CNBD1: variants seen among roughly 807,000 people sequenced by gnomAD.
The protein encoded by CNBD1 is cyclic nucleotide-binding domain-containing protein 1.
A neutral mutation model predicts 54.4 loss-of-function variants in CNBD1; 71 were observed. That is an observed-to-expected ratio of 1.30 (90% confidence interval 1.08 to 1.59). CNBD1 has a LOEUF of 1.59. CNBD1 is among the 40% of genes most tolerant of loss of function. The probability of loss-of-function intolerance (pLI) is 0.00; values close to 1 mark genes in which losing one functional copy is unlikely to be tolerated. For synonymous variants in CNBD1, 182 were observed against 170.7 expected (o/e 1.07, Z -0.51); for missense variants, 659 against 518.0 (o/e 1.27, Z -2.64).
chr8:87,097,264 AT>A (rs1811339661), intron 4 of CNBD1, among the ~76,000 whole-genome samples: 1 of 152,000 alleles, frequency 6.6e-6, no homozygotes, highest in Non-Finnish European at 1.5e-5. Flanking sequence ...TAATTTTTGA[AT>A]TTTCATTTGG....
intron 4 of CNBD1, among the ~76,000 whole-genome samples, chr8:87,122,445 A>T (rs1811908889): frequency 6.6e-6 from 1 of 151,834 alleles, no homozygotes; most frequent in African/African-American, 2.4e-5. Flanking sequence ...ATATTAACTT[A>T]CCAGGTGTAT....
intron 3 of CNBD1, among the ~76,000 whole-genome samples, chr8:86,935,003 G>GGGTT (rs1363185638): frequency 7.0e-6 from 1 of 143,840 alleles, no homozygotes; most frequent in Non-Finnish European, 1.5e-5. Flanking sequence ...GGAAGCATTT[G>GGGTT]GGTTTGTTTG....
chr8:87,321,665 C>A lies in CNBD1; in HGVS notation c.1043-30020C>A, dbSNP rs550740661. On this transcript the variant is annotated intron_variant, in intron 8 of 10. Transcript: ENST00000518476. ...CTGCCTTTTTCTCTATTGATTATTT[C>A]CTTTGCTGCACAAAAACTTTTTAAT... 2.0e-5 allele frequency among the ~76,000 whole-genome samples: 3 copies of A among 152,074 alleles called. No homozygotes were observed. The South Asian group carries it at 6.2e-4, about 32-fold the overall frequency.
intron 1 of CNBD1, among the ~76,000 whole-genome samples, chr8:86,875,883 A>G (rs1808513079): frequency 6.6e-6 from 1 of 152,022 alleles, no homozygotes; most frequent in African/African-American, 2.4e-5. Context: ...CTCTAATTGA[A>G]TTTTCTTTGA....
chr8:87,385,953 G>A (rs549787314), downstream of CNBD1, among the ~76,000 whole-genome samples: 4 of 152,268 alleles, frequency 2.6e-5, no homozygotes, highest in Admixed American at 2.6e-4. Flanking sequence ...AACAGTTGCT[G>A]TTCACCAATA....
At chr8:87,007,215 A>T (rs1032524380) in intron 4 of CNBD1, among the ~76,000 whole-genome samples, 2 of 151,962 alleles carry the variant, frequency 1.3e-5, no homozygotes, top group African/African-American at 2.4e-5. Flanking sequence ...AAAAAAAAAA[A>T]TTTAAAACTT....
At chr8:86,939,104 G>T (rs1200041177) in intron 3 of CNBD1, among the ~76,000 whole-genome samples, 2 of 151,958 alleles carry the variant, frequency 1.3e-5, no homozygotes. Flanking sequence ...ACATCTCTTA[G>T]GGATTTAGGT....
At chr8:87,281,959 A>G (rs1256364482) in intron 6 of CNBD1, among the ~76,000 whole-genome samples, 4 of 150,836 alleles carry the variant, frequency 2.7e-5, no homozygotes, top group African/African-American at 9.7e-5. Flanking sequence ...TCTGGAAATA[A>G]TTTTTCTTCT....
At chr8:87,210,115 G>C (rs2130800515) in intron 5 of CNBD1, among the ~76,000 whole-genome samples, 1 of 152,318 alleles carries the variant, frequency 6.6e-6, no homozygotes, top group South Asian at 2.1e-4. Flanking sequence ...AATGGTGTTT[G>C]AATTTATGAG....
chr8:87,372,082 G>A (rs1810820483), intron 10 of CNBD1, among the ~76,000 whole-genome samples: 1 of 151,998 alleles, frequency 6.6e-6, no homozygotes, highest in East Asian at 1.9e-4. Context: ...TGTATATCCA[G>A]AAAACCCCAC....
Position 87,237,019 on chromosome 8 carries a change from G to T in CNBD1, c.678G>T (p.Ser226=), listed in dbSNP as rs779115343. 1 of 1,611,828 alleles carries T rather than the reference G, an allele frequency of 6.2e-7. No individual in the cohort carries two copies. Among genetic ancestry groups the T allele is most frequent in the Non-Finnish European group, 8.5e-7 (1 of 1,178,470 alleles). The change falls in exon 6 of 11, where the codon TCG becomes TCT. Residue 226 remains serine, a synonymous_variant. Coordinates refer to ENST00000518476, the MANE Select transcript of CNBD1 (RefSeq NM_173538.3). ...TTGAAGGAAGTGATTCACCAGACTCGTTCATATCTCAGAGTTTCCACAGCT... is the reference window on the plus strand; with the variant it reads ...TTGAAGGAAGTGATTCACCAGACTCTTTCATATCTCAGAGTTTCCACAGCT... ...NLIEGSDSPD[S]FISQSFHSFI...
chr8:87,000,913 A>G (rs2130544510), intron 4 of CNBD1, among the ~76,000 whole-genome samples: 1 of 152,212 alleles, frequency 6.6e-6, no homozygotes, highest in African/African-American at 2.4e-5. Flanking sequence ...TGAGCATTAT[A>G]AATCAAATTT....
chr8:87,375,837 T>A (rs67452998), intron 10 of CNBD1, among the ~76,000 whole-genome samples: 2 of 151,894 alleles, frequency 1.3e-5, no homozygotes, highest in South Asian at 4.1e-4. Flanking sequence ...AATACTTTCC[T>A]AATATGCTTT....
intron 4 of CNBD1, among the ~76,000 whole-genome samples, chr8:87,185,313 T>C (rs1813450822): frequency 6.6e-6 from 1 of 152,190 alleles, no homozygotes; most frequent in Admixed American, 6.5e-5. Context: ...CACTTGCATA[T>C]TTTTTCCGTT....
At chr8:87,229,571 A>T (rs573976219) in intron 5 of CNBD1, among the ~76,000 whole-genome samples, 3 of 152,226 alleles carry the variant, frequency 2.0e-5, no homozygotes, top group African/African-American at 4.8e-5. Flanking sequence ...TTTTGGGATT[A>T]TGTCAAATAC....
chr8:86,954,427 CTT>C (rs1807706434), intron 4 of CNBD1, among the ~76,000 whole-genome samples: 1 of 152,234 alleles, frequency 6.6e-6, no homozygotes, highest in South Asian at 2.1e-4. Context: ...AAATAATACT[CTT>C]TTGAATTTAG....
At chr8:87,056,896 G>C (rs1563452206) in intron 4 of CNBD1, among the ~76,000 whole-genome samples, 1 of 152,128 alleles carries the variant, frequency 6.6e-6, no homozygotes, top group Admixed American at 6.6e-5. Context: ...CAACTATTTG[G>C]TAGGTGGAAT....
chr8:87,255,984 TATATATATATATATATATATA>T (rs1808001104), intron 6 of CNBD1, among the ~76,000 whole-genome samples: 1 of 10,054 alleles, frequency 9.9e-5, no homozygotes, highest in African/African-American at 4.5e-4. Flanking sequence ...TATATATATA[TATATATATATATATATATATA>T]TATATATATA....
At chr8:87,362,878 T>A (rs1810551565) in intron 10 of CNBD1, among the ~76,000 whole-genome samples, 1 of 152,040 alleles carries the variant, frequency 6.6e-6, no homozygotes, top group African/African-American at 2.4e-5. Flanking sequence ...ATTCTAACTT[T>A]TTTTTTGTAC....
Sources: allele counts gnomAD v4.1 joint callset (sites outside exome capture counted in the v4.1 genomes callset), GRCh38; gene constraint gnomAD v4.1.1; transcripts MANE v1.5; gene names NCBI Gene and HGNC (gene_info 2026-07-23, HGNC 2026-07-21).